PLEKHG3: variants seen among roughly 807,000 people sequenced by gnomAD.
The protein encoded by PLEKHG3 is pleckstrin homology domain-containing family G member 3.
PLEKHG3 carries 62 observed loss-of-function variants against 94.9 expected under a neutral mutation model. The ratio of observed to expected loss-of-function variants is 0.65; its 90% CI spans 0.53 to 0.81. The LOEUF (loss-of-function observed/expected upper bound fraction) is 0.81. PLEKHG3 is among the 30% of genes least tolerant of loss of function. The pLI is 0.00. For missense variants in PLEKHG3, 1,461 were observed against 1,619.3 expected, an observed-to-expected ratio of 0.90 and a Z score of 1.68; for synonymous variants, 614 against 654.0, an observed-to-expected ratio of 0.94 and a Z score of 0.93.
At chr14:64,737,633 C>T (rs575515506) in intron 14 of PLEKHG3, among the ~76,000 whole-genome samples, 4 of 152,350 alleles carry the variant, frequency 2.6e-5, no homozygotes, top group South Asian at 2.1e-4. Flanking sequence ...TCAGATTTCC[C>T]TCTCCCTAGG....
At position 64,723,008 on chromosome 14, in the gene PLEKHG3, G is replaced by A. The variant is rs1195858167; in HGVS notation, c.-39-4585G>A. 6.6e-6 allele frequency among the ~76,000 whole-genome samples: 1 copy of A among 152,150 alleles called. No homozygotes were observed. Among genetic ancestry groups the A allele is most frequent in the African/African-American group, 2.4e-5 (1 of 41,442 alleles). On this transcript the variant is annotated intron_variant, in intron 1 of 16. Transcript: ENST00000247226. The surrounding 1 kb of genome is among the most constrained non-coding windows in gnomAD (Gnocchi z 4.5). Reference sequence around the variant, plus strand: ...GCCTTTTTTCTTTCCTGTTGGGTCAGAATGGGGCATGGTGCTGAGGCGTAG... The same window carrying A: ...GCCTTTTTTCTTTCCTGTTGGGTCAAAATGGGGCATGGTGCTGAGGCGTAG...
At position 64,716,103 on chromosome 14, in the gene PLEKHG3, G is replaced by T. The variant is rs1478681256; in HGVS notation, c.-40+11399G>T. The T allele has an allele frequency of 8.8e-6, 4 of 455,670 alleles. No individual in the cohort carries two copies. Among genetic ancestry groups the T allele is most frequent in the African/African-American group, 8.0e-5 (4 of 50,074 alleles). The allele number at this position is 455,670 out of a possible 1,614,324, so 28.2% of individuals were successfully genotyped here. A position where few individuals can be genotyped will look rare whatever the true frequency, so the allele number is the denominator to read the frequency against. On this transcript the variant is annotated intron_variant, in intron 1 of 16. Coordinates refer to ENST00000247226, the MANE Select transcript of PLEKHG3 (RefSeq NM_001308147.2). This position sits in a 1 kb window ranked among gnomAD's most constrained non-coding sequence, Gnocchi z 5.0. Reference sequence around the variant, plus strand: ...CTCCTGAGGAAAGCGGTAGGTACCCGGCTGGGGCCAGGCCAGGGGATGGGA... The same window carrying T: ...CTCCTGAGGAAAGCGGTAGGTACCCTGCTGGGGCCAGGCCAGGGGATGGGA...
chr14:64,731,233 G>A lies in PLEKHG3; in HGVS notation c.849+64G>A. 6.6e-7 allele frequency: 1 copy of A among 1,518,686 alleles called. No homozygotes were observed. Among genetic ancestry groups the A allele is most frequent in the South Asian group, 1.2e-5 (1 of 85,038 alleles). 94.1% of individuals were successfully genotyped at this position (1,518,686 alleles called of 1,614,324 possible). On this transcript the variant is annotated intron_variant, in intron 7 of 16. Transcript: ENST00000247226. The surrounding 1 kb of genome is among the most constrained non-coding windows in gnomAD (Gnocchi z 6.1). The stretch of plus-strand genomic sequence containing the variant: ...GGGTGGGCCAGGCTTCCGCTGGGAA[G>A]AGGGACTGTGGCCACCCTGCTGGGA...
In PLEKHG3 at chr14:64,749,997, G is replaced by GCTT. The variant is rs753593714; in HGVS notation, c.*6304_*6306dup. 12 of 1,614,198 alleles carry GCTT rather than the reference G, an allele frequency of 7.4e-6. No individual in the cohort carries two copies. Among genetic ancestry groups the GCTT allele is most frequent in the East Asian group, 2.2e-5 (1 of 44,884 alleles). ...AGGCCTCACCTCAGCTTAAAGACGT[G>GCTT]CTTCTTCTTCTTGTAGTTGGCAGCA... On this transcript the variant is annotated 3_prime_UTR_variant, in exon 17 of 17. Coordinates refer to ENST00000247226, the MANE Select transcript of PLEKHG3 (RefSeq NM_001308147.2). The surrounding 1 kb of genome is among the most constrained non-coding windows in gnomAD (Gnocchi z 4.7).
rs989841707 is a variant in PLEKHG3, at chr14:64,745,594, T to G, written c.*1891T>G. On this transcript the variant is annotated 3_prime_UTR_variant, in exon 17 of 17. Transcript: ENST00000247226. This position sits in a 1 kb window ranked among gnomAD's most constrained non-coding sequence, Gnocchi z 5.0. ...CCAGTGCCCTTGTGGTTACTCAGCA[T>G]CATATCTTGAGACTGGCCTGGCAGG... 5 of 152,296 alleles carry G rather than the reference T, an allele frequency of 3.3e-5. No individual in the cohort carries two copies. The highest frequency in any genetic ancestry group is 5.9e-5 in the Non-Finnish European group (4 of 68,080). 9.4% of individuals were successfully genotyped at this position (152,296 alleles called of 1,614,324 possible). A position where few individuals can be genotyped will look rare whatever the true frequency, so the allele number is the denominator to read the frequency against.
At position 64,715,783 on chromosome 14, in the gene PLEKHG3, G is replaced by A. The variant is rs1010651838; in HGVS notation, c.-40+11079G>A. 21 of 336,632 alleles carry A rather than the reference G, an allele frequency of 6.2e-5. No individual in the cohort carries two copies. In the Admixed American group the frequency reaches 8.5e-4, roughly 14 times the overall value. The allele number at this position is 336,632 out of a possible 1,614,324, so 20.9% of individuals were successfully genotyped here. On this transcript the variant is annotated intron_variant, in intron 1 of 16. Transcript: ENST00000247226. This position sits in a 1 kb window ranked among gnomAD's most constrained non-coding sequence, Gnocchi z 4.4. ...CTCACCTCCCAGGGCTGTGGCCTGG[G>A]TCCCTACCCAGCGGGGACCTGCAGA...
In PLEKHG3 at chr14:64,746,892, GA is replaced by G. The variant is rs374341385; in HGVS notation, c.*3202del. ...AAGACTGTAGAGTAGAATAAGGAGA[GA>G]AAAAAAAAAAAAGACCTTGCTAGGG... On this transcript the variant is annotated 3_prime_UTR_variant, in exon 17 of 17. Transcript: ENST00000247226. This position sits in a 1 kb window ranked among gnomAD's most constrained non-coding sequence, Gnocchi z 4.9. 2.3e-3 allele frequency: 332 copies of G among 141,634 alleles called. No individual in the cohort carries two copies. The highest frequency in any genetic ancestry group is 3.6e-3 in the Middle Eastern group (1 of 276). 8.8% of individuals were successfully genotyped at this position (141,634 alleles called of 1,614,324 possible).
rs2081252334 is a variant in PLEKHG3, at chr14:64,720,917, C to T, written c.-39-6676C>T. ...GTAGCATCTTCCAGTTCCCTTCTCT[C>T]TGTCCCTCTGCTTTTATTGTCAAAC... On this transcript the variant is annotated intron_variant, in intron 1 of 16. Transcript: ENST00000247226. This position sits in a 1 kb window ranked among gnomAD's most constrained non-coding sequence, Gnocchi z 4.1. 6.6e-6 allele frequency among the ~76,000 whole-genome samples: 1 copy of T among 152,210 alleles called. No homozygotes were observed. Among genetic ancestry groups the T allele is most frequent in the Non-Finnish European group, 1.5e-5 (1 of 68,038 alleles).
At chr14:64,719,135 A>T (rs942550956) in intron 1 of PLEKHG3, among the ~76,000 whole-genome samples, 3 of 152,100 alleles carry the variant, frequency 2.0e-5, no homozygotes, top group African/African-American at 7.2e-5. Context: ...CCCTTAGAAG[A>T]TCATGGTCTA....
rs995670525 is a variant in PLEKHG3, at chr14:64,730,285, G to A, written c.492G>A (p.Val164=). ...TGGACAGCTGCAATAGTGACCCCGT[G>A]GCTGTGGCCAGCTGCTTTGTGGAAA... is the stretch of plus-strand genomic sequence containing the variant. ...RDLDSCNSDP[V]AVASCFVERS... is the part of the protein sequence containing the mutation. The change falls in exon 4 of 17, where the codon GTG becomes GTA. Residue 164 remains valine, a synonymous_variant. Transcript: ENST00000247226. This position sits in a 1 kb window ranked among gnomAD's most constrained non-coding sequence, Gnocchi z 5.4. The A allele has an allele frequency of 6.5e-7, 1 of 1,535,424 alleles. No individual in the cohort carries two copies. The highest frequency in any genetic ancestry group is 2.4e-5 in the East Asian group (1 of 40,918).
In PLEKHG3 at chr14:64,731,848, C is replaced by T. The variant is rs780733826; in HGVS notation, c.1125+42C>T. 1 of 1,384,074 alleles carries T rather than the reference C, an allele frequency of 7.2e-7. No homozygotes were observed. The highest frequency in any genetic ancestry group is 1.0e-6 in the Non-Finnish European group (1 of 972,634). 85.7% of individuals were successfully genotyped at this position (1,384,074 alleles called of 1,614,324 possible). ...GCTCAGGGGCTAGGGAACAAGATGCCCAGGGGACACCTGCGTGGGACTCCT... is the reference window on the plus strand; with the variant it reads ...GCTCAGGGGCTAGGGAACAAGATGCTCAGGGGACACCTGCGTGGGACTCCT... On this transcript the variant is annotated intron_variant, in intron 9 of 16. Coordinates refer to ENST00000247226, the MANE Select transcript of PLEKHG3 (RefSeq NM_001308147.2). This position sits in a 1 kb window ranked among gnomAD's most constrained non-coding sequence, Gnocchi z 6.1.
chr14:64,723,161 GGTGT>G lies in PLEKHG3; in HGVS notation c.-39-4430_-39-4427del, dbSNP rs1409664514. Among the ~76,000 whole-genome samples, 1 of 88,800 alleles carries G rather than the reference GGTGT, an allele frequency of 1.1e-5. No individual in the cohort carries two copies. Among genetic ancestry groups the G allele is most frequent in the African/African-American group, 4.9e-5 (1 of 20,392 alleles). The allele number at this position is 88,800 out of a possible 152,430, so 58.3% of individuals were successfully genotyped here. On this transcript the variant is annotated intron_variant, in intron 1 of 16. Coordinates refer to ENST00000247226, the MANE Select transcript of PLEKHG3 (RefSeq NM_001308147.2). This position sits in a 1 kb window ranked among gnomAD's most constrained non-coding sequence, Gnocchi z 4.5. Reference sequence around the variant, plus strand: ...AGAGGGTAGGTGTGGGTGGAGGAAGGGTGTGGTGTGGTTTAGGCTTAAATTTAAA... The same window carrying G: ...AGAGGGTAGGTGTGGGTGGAGGAAGGGGTGTGGTTTAGGCTTAAATTTAAA...
intron 1 of PLEKHG3, among the ~76,000 whole-genome samples, chr14:64,707,962 AG>A (rs1210182529): frequency 6.6e-6 from 1 of 152,280 alleles, no homozygotes; most frequent in Non-Finnish European, 1.5e-5. Flanking sequence ...CAAAGACTAT[AG>A]AGAGGTTCGA....
Position 64,743,847 on chromosome 14 carries a change from A to C in PLEKHG3, c.*144A>C, listed in dbSNP as rs755460072. ...CCATCCCCTCCGCCCTTCAGGAAGG[A>C]TGCTCCCGTGTGCAGGGGTCTCCTG... On this transcript the variant is annotated 3_prime_UTR_variant, in exon 17 of 17. Coordinates refer to ENST00000247226, the MANE Select transcript of PLEKHG3 (RefSeq NM_001308147.2). The surrounding 1 kb of genome is among the most constrained non-coding windows in gnomAD (Gnocchi z 7.2). 7 of 875,698 alleles carry C rather than the reference A, an allele frequency of 8.0e-6. No homozygotes were observed. The highest frequency in any genetic ancestry group is 1.9e-5 in the South Asian group (1 of 52,510). 54.2% of individuals were successfully genotyped at this position (875,698 alleles called of 1,614,324 possible).
chr14:64,736,041 A>T (rs1165480069), intron 12 of PLEKHG3, among the ~76,000 whole-genome samples: 1 of 152,258 alleles, frequency 6.6e-6, no homozygotes, highest in Non-Finnish European at 1.5e-5. Context: ...GAACAGCAAG[A>T]TACCTTGGTA....
rs1262337958 is a variant in PLEKHG3, at chr14:64,722,410, T to C, written c.-39-5183T>C. Among the ~76,000 whole-genome samples the C allele has an allele frequency of 6.6e-6, 1 of 152,158 alleles. No homozygotes were observed. Among genetic ancestry groups the C allele is most frequent in the Admixed American group, 6.5e-5 (1 of 15,278 alleles). On this transcript the variant is annotated intron_variant, in intron 1 of 16. Coordinates refer to ENST00000247226, the MANE Select transcript of PLEKHG3 (RefSeq NM_001308147.2). The surrounding 1 kb of genome is among the most constrained non-coding windows in gnomAD (Gnocchi z 4.3). ...TTTTAGTAGAGATGGGGTTTCCTCA[T>C]ATTGGTCAGGCTGGTCTCAAACTCC...
rs1422458330 is a variant in PLEKHG3 at position 64,725,184 on chromosome 14, TG to T, written c.-39-2407del. 6.6e-6 allele frequency among the ~76,000 whole-genome samples: 1 copy of T among 152,106 alleles called. No individual in the cohort carries two copies. The highest frequency in any genetic ancestry group is 1.5e-5 in the Non-Finnish European group (1 of 68,018). Reference sequence around the variant, plus strand: ...CCCTTTTAGAGACAAATCTCCCTAATGGTGTGTGTGTTGGGGTAGGGGTGGG... The same window carrying T: ...CCCTTTTAGAGACAAATCTCCCTAATGTGTGTGTGTTGGGGTAGGGGTGGG... On this transcript the variant is annotated intron_variant, in intron 1 of 16. Coordinates refer to ENST00000247226, the MANE Select transcript of PLEKHG3 (RefSeq NM_001308147.2). This position sits in a 1 kb window ranked among gnomAD's most constrained non-coding sequence, Gnocchi z 5.0.
Position 64,721,595 on chromosome 14 carries a change from C to CGT in PLEKHG3, c.-39-5998_-39-5997insGT, listed in dbSNP as rs533010220. Among the ~76,000 whole-genome samples, 19 of 152,272 alleles carry CGT rather than the reference C, an allele frequency of 1.2e-4. 1 individual carries two copies. In the South Asian group the frequency reaches 3.9e-3, roughly 32 times the overall value. On this transcript the variant is annotated intron_variant, in intron 1 of 16. Transcript: ENST00000247226. The surrounding 1 kb of genome is among the most constrained non-coding windows in gnomAD (Gnocchi z 4.3). ...GTTTGGGTGGCCCAGAAACCTTGGT[C>CGT]ACACTGTTGGCACAGCCTCTGCAGG...
In PLEKHG3 at chr14:64,749,221, GGC is replaced by G. The variant is rs2081901460; in HGVS notation, c.*5520_*5521del. ...CGACTCGACTCATCTCGATTCGACC[GGC>G]GGGCGGCGGCGAGAGGAGGCCAAGG... is the stretch of plus-strand genomic sequence containing the variant. On this transcript the variant is annotated 3_prime_UTR_variant, in exon 17 of 17. Transcript: ENST00000247226. The surrounding 1 kb of genome is among the most constrained non-coding windows in gnomAD (Gnocchi z 4.7). 3 of 1,480,094 alleles carry G rather than the reference GGC, an allele frequency of 2.0e-6. No homozygotes were observed. Among genetic ancestry groups the G allele is most frequent in the Non-Finnish European group, 2.7e-6 (3 of 1,100,152 alleles). 91.7% of individuals were successfully genotyped at this position (1,480,094 alleles called of 1,614,324 possible).
Sources: gnomAD v4.1 joint callset for allele counts (sites outside exome capture counted in the v4.1 genomes callset) on GRCh38, gnomAD v4.1.1 for gene constraint, Gnocchi (gnomAD v3.1) non-coding constraint, MANE v1.5 for transcripts, NCBI Gene and HGNC (gene_info 2026-07-23, HGNC 2026-07-21) for gene names.